RANBP2: variants seen among roughly 807,000 people sequenced by gnomAD.
The protein encoded by RANBP2 is RAN binding protein 2.
In RANBP2, 57 loss-of-function variants were observed where a neutral mutation model predicts 303.6. The ratio of observed to expected loss-of-function variants is 0.19; its 90% CI spans 0.15 to 0.23. The LOEUF (loss-of-function observed/expected upper bound fraction) is 0.23, where lower values mean the gene tolerates loss of function less well. RANBP2 is among the 10% of genes least tolerant of loss of function. RANBP2 has a pLI of 1.00. For synonymous variants in RANBP2, 1,167 were observed against 1,301.5 expected, an observed-to-expected ratio of 0.90 and a Z score of 2.23; for missense variants, 3,138 against 3,780.8, an observed-to-expected ratio of 0.83 and a Z score of 4.46.
chr2:109,644,827 G>A, the RANBP2 span, among the ~76,000 whole-genome samples: 1 of 152,148 alleles, frequency 6.6e-6, no homozygotes, highest in Non-Finnish European at 1.5e-5. Context: ...CCGGCTGCTT[G>A]TCAATATTTG....
chr2:109,030,789 T>C, the RANBP2 span, among the ~76,000 whole-genome samples: 1 of 152,204 alleles, frequency 6.6e-6, no homozygotes. Context: ...GGTCTCACTA[T>C]GTTGCCCAGG....
chr2:109,643,981 C>T, the RANBP2 span, among the ~76,000 whole-genome samples: 1 of 151,472 alleles, frequency 6.6e-6, no homozygotes, highest in African/African-American at 2.4e-5. Context: ...ATTAGCCGGG[C>T]ATGGTGGCAG....
the RANBP2 span, among the ~76,000 whole-genome samples, chr2:109,400,548 C>T: frequency 4.6e-5 from 7 of 150,592 alleles, no homozygotes; most frequent in South Asian, 2.1e-4. Context: ...TGCACACACA[C>T]GTACGTATAC....
chr2:109,375,377 A>G, the RANBP2 span, among the ~76,000 whole-genome samples: 2 of 152,330 alleles, frequency 1.3e-5, no homozygotes, highest in South Asian at 2.1e-4. Context: ...TGTTCATCAG[A>G]TGCCAGCTGG....
the RANBP2 span, among the ~76,000 whole-genome samples, chr2:109,052,949 A>T: frequency 6.6e-6 from 1 of 152,242 alleles, no homozygotes; most frequent in African/African-American, 2.4e-5. Flanking sequence ...TAAGCCAACC[A>T]TCATTCCATG....
the RANBP2 span, among the ~76,000 whole-genome samples, chr2:109,652,866 A>C: frequency 1.3e-5 from 2 of 152,212 alleles, no homozygotes; most frequent in East Asian, 3.9e-4. Context: ...TTAGTGTTCA[A>C]TAAGTCCCCA....
At chr2:109,693,034 A>T in the RANBP2 span, among the ~76,000 whole-genome samples, 1 of 152,056 alleles carries the variant, frequency 6.6e-6, no homozygotes, top group Non-Finnish European at 1.5e-5. Context: ...GCTTACCAGC[A>T]TTAACATCAA....
intron 20 of RANBP2, among the ~76,000 whole-genome samples, chr2:108,768,833 G>A (rs931108588): frequency 4.6e-5 from 7 of 152,076 alleles, no homozygotes; most frequent in Non-Finnish European, 1.0e-4. Context: ...AAGAGTTCGA[G>A]ACCAGCCTGG....
the RANBP2 span, among the ~76,000 whole-genome samples, chr2:109,049,601 T>C: frequency 6.6e-6 from 1 of 152,244 alleles, no homozygotes; most frequent in Admixed American, 6.5e-5. Context: ...GAGGTGGGCC[T>C]GAGGCCCTCT....
chr2:109,198,681 T>C, the RANBP2 span, among the ~76,000 whole-genome samples: 2 of 152,170 alleles, frequency 1.3e-5, no homozygotes, highest in Non-Finnish European at 2.9e-5. Flanking sequence ...ACAGAGAACA[T>C]TTTTCGTGTC....
chr2:109,277,937 G>A, the RANBP2 span, among the ~76,000 whole-genome samples: 1 of 151,664 alleles, frequency 6.6e-6, no homozygotes, highest in African/African-American at 2.4e-5. Flanking sequence ...CATTTTGGGA[G>A]GCTGAGGTGA....
chr2:109,159,125 GAAAC>G, the RANBP2 span, among the ~76,000 whole-genome samples: 3 of 123,702 alleles, frequency 2.4e-5, no homozygotes, highest in African/African-American at 7.9e-5. Flanking sequence ...TCAAAACAAA[GAAAC>G]AAAAAGGTGC....
chr2:109,119,440 T>C, the RANBP2 span, among the ~76,000 whole-genome samples: 6 of 152,222 alleles, frequency 3.9e-5, no homozygotes, highest in Admixed American at 3.9e-4. Context: ...CCTTGGATGA[T>C]TTAGGATATA....
chr2:109,729,833 A>G, the RANBP2 span, among the ~76,000 whole-genome samples: 1 of 152,206 alleles, frequency 6.6e-6, no homozygotes, highest in Non-Finnish European at 1.5e-5. Flanking sequence ...TATAAAGGAA[A>G]GAGGTTTAAT....
chr2:109,363,687 CA>C, the RANBP2 span, among the ~76,000 whole-genome samples: 1 of 152,146 alleles, frequency 6.6e-6, no homozygotes, highest in Non-Finnish European at 1.5e-5. Flanking sequence ...GTTTGTTTGA[CA>C]AATCTTTATT....
chr2:109,373,764 C>A, the RANBP2 span, among the ~76,000 whole-genome samples: 1 of 152,116 alleles, frequency 6.6e-6, no homozygotes, highest in South Asian at 2.1e-4. Flanking sequence ...TTACACACTT[C>A]TAACTGCAAT....
At chr2:109,190,457 AG>A in the RANBP2 span, among the ~76,000 whole-genome samples, 1 of 152,200 alleles carries the variant, frequency 6.6e-6, no homozygotes, top group Non-Finnish European at 1.5e-5. Context: ...TATAGGCGTG[AG>A]CCACTGCGCC....
chr2:109,613,108 A>G, the RANBP2 span: 2 of 1,124,442 alleles, frequency 1.8e-6, no homozygotes, highest in Non-Finnish European at 2.4e-6. Context: ...AGATCACTCC[A>G]TACCATGTAG....
the RANBP2 span, among the ~76,000 whole-genome samples, chr2:109,238,789 G>T: frequency 6.6e-6 from 1 of 152,120 alleles, no homozygotes; most frequent in African/African-American, 2.4e-5. Flanking sequence ...ACAGAGGCAA[G>T]GCCCCTGATG....
Sources: allele counts gnomAD v4.1 joint callset (sites outside exome capture counted in the v4.1 genomes callset), GRCh38; gene constraint gnomAD v4.1.1; transcripts MANE v1.5; gene names NCBI Gene and HGNC (gene_info 2026-07-23, HGNC 2026-07-21).